Variants in ANKRD27 observed in about 807,000 individuals in gnomAD.
ANKRD27 encodes the protein ankyrin repeat domain-containing protein 27.
In ANKRD27, 112 loss-of-function variants were observed where a neutral mutation model predicts 129.7. The ratio of observed to expected loss-of-function variants is 0.86; its 90% CI spans 0.74 to 1.01. The LOEUF is 1.01. Among genes scored for constraint, ANKRD27 ranks in the 50% least tolerant of loss-of-function variants. ANKRD27 has a pLI of 0.00. For missense variants in ANKRD27, 1,258 were observed against 1,300.5 expected, an observed-to-expected ratio of 0.97 and a Z score of 0.50; for synonymous variants, 516 against 511.2, an observed-to-expected ratio of 1.01 and a Z score of -0.13.
intron 28 of ANKRD27, among the ~76,000 whole-genome samples, chr19:32,598,855 T>G (rs376012779): frequency 3.3e-5 from 5 of 152,350 alleles, no homozygotes; most frequent in African/African-American, 1.2e-4. Flanking sequence ...TTTAGAACTT[T>G]TGTGTATTTG....
At chr19:32,608,169 A>G (rs1028353399) in intron 22 of ANKRD27, among the ~76,000 whole-genome samples, 8 of 99,792 alleles carry the variant, frequency 8.0e-5, no homozygotes, top group African/African-American at 3.1e-4. Context: ...GTGCCCAGCT[A>G]ATTTTTTTTT....
At chr19:32,619,605 C>T in intron 18 of ANKRD27, 52 bp from the exon 19 acceptor site, 1 of 1,600,640 alleles carries the variant, frequency 6.2e-7, no homozygotes, top group Non-Finnish European at 8.6e-7. Context: ...GGGGTCGTCT[C>T]AGCACAGTGC....
At chr19:32,620,525 T>C (rs1032298951) in intron 18 of ANKRD27, among the ~76,000 whole-genome samples, 3 of 149,138 alleles carry the variant, frequency 2.0e-5, no homozygotes, top group Non-Finnish European at 4.4e-5. Flanking sequence ...GCCAAGATCA[T>C]GCCACTGCAC....
intron 20 of ANKRD27, 29 bp downstream of exon 20, chr19:32,619,231 C>A: frequency 6.2e-7 from 1 of 1,600,634 alleles, no homozygotes; most frequent in Non-Finnish European, 8.5e-7. Flanking sequence ...AAGGCCTCCC[C>A]TCCCCAGCCC....
intron 28 of ANKRD27, among the ~76,000 whole-genome samples, chr19:32,599,207 G>A (rs1274454715): frequency 1.3e-5 from 2 of 152,192 alleles, no homozygotes; most frequent in Admixed American, 6.5e-5. Flanking sequence ...CTTGAACCCG[G>A]GAGGTGGAGA....
chr19:32,668,293 C>T (rs982538432), intron 1 of ANKRD27, among the ~76,000 whole-genome samples: 9 of 152,102 alleles, frequency 5.9e-5, no homozygotes, highest in African/African-American at 9.7e-5. Flanking sequence ...GCCACAATTA[C>T]GGGTATGAGC....
At chr19:32,609,625 G>C (rs1314562407) in intron 22 of ANKRD27, among the ~76,000 whole-genome samples, 1 of 145,174 alleles carries the variant, frequency 6.9e-6, no homozygotes, top group African/African-American at 2.5e-5. Flanking sequence ...ATGAAAAGCA[G>C]GTCACGGGTT....
intron 20 of ANKRD27, among the ~76,000 whole-genome samples, chr19:32,617,886 C>T (rs914510336): frequency 2.0e-5 from 3 of 151,928 alleles, no homozygotes; most frequent in African/African-American, 7.2e-5. Context: ...TCCCTAGTAG[C>T]TGGGATTACA....
chr19:32,625,701 G>A (rs1190562993), intron 17 of ANKRD27, among the ~76,000 whole-genome samples, 173 bp downstream of exon 17: 1 of 152,064 alleles, frequency 6.6e-6, no homozygotes, highest in East Asian at 1.9e-4. Flanking sequence ...CAAAGTGCTG[G>A]GATTACAGGC....
chr19:32,604,570 C>T (rs1190501903), intron 24 of ANKRD27, 146 bp from the exon 25 acceptor site: 1 of 834,042 alleles, frequency 1.2e-6, no homozygotes, highest in East Asian at 2.7e-5. Context: ...AAAAGTAATA[C>T]TGAGAAAAAA....
chr19:32,615,776 C>A lies in ANKRD27; in HGVS notation c.2057G>T (p.Arg686Leu). 1.9e-6 allele frequency: 3 copies of A among 1,612,632 alleles called. No individual in the cohort carries two copies. Among genetic ancestry groups the A allele is most frequent in the Non-Finnish European group, 2.5e-6 (3 of 1,179,094 alleles). The change falls in exon 22 of 29, where the codon CGT becomes CTT. Residue 686 changes from arginine to leucine, a missense_variant. Transcript: ENST00000306065. Reference sequence around the variant, plus strand: ...CTCCTCTGTCCATTCCAACAGGTAACGCACCTGGTGATGGAGAGTAACGGA... The same window carrying A: ...CTCCTCTGTCCATTCCAACAGGTAAAGCACCTGGTGATGGAGAGTAACGGA... ...AVADGDLEMV[R>L]YLLEWTEEDL...
At position 32,604,371 on chromosome 19, in the gene ANKRD27, C is replaced by T. The variant is rs748979051; in HGVS notation, c.2547G>A (p.Glu849=). The T allele has an allele frequency of 1.2e-6, 2 of 1,614,014 alleles. No homozygotes were observed. The highest frequency in any genetic ancestry group is 8.5e-7 in the Non-Finnish European group (1 of 1,179,930). ...SNNKGNTALH[E]AVIEKHVFVV... ...CGAAGACGTGCTTTTCAATCACAGCCTCGTGCAGCGCTGTGTTGCCCTTAT... is the reference window on the plus strand; with the variant it reads ...CGAAGACGTGCTTTTCAATCACAGCTTCGTGCAGCGCTGTGTTGCCCTTAT... The change falls in exon 25 of 29, where the codon GAG becomes GAA. Residue 849 remains glutamate (E), a synonymous_variant. Coordinates refer to ENST00000306065, the MANE Select transcript of ANKRD27 (RefSeq NM_032139.3).
chr19:32,666,725 A>G (rs995316981), intron 1 of ANKRD27, among the ~76,000 whole-genome samples: 1 of 145,362 alleles, frequency 6.9e-6, no homozygotes, highest in African/African-American at 2.6e-5. Flanking sequence ...GCTCACTGCA[A>G]CCTCCACCCC....
chr19:32,669,236 A>G (rs1271552269), intron 1 of ANKRD27, among the ~76,000 whole-genome samples: 1 of 152,196 alleles, frequency 6.6e-6, no homozygotes, highest in Non-Finnish European at 1.5e-5. Context: ...TTCTGCTTGA[A>G]AAAGGCCTGT....
At chr19:32,617,700 A>G in intron 20 of ANKRD27, 67 bp from the exon 21 acceptor site, 5 of 641,540 alleles carry the variant, frequency 7.8e-6, no homozygotes, top group Non-Finnish European at 1.1e-5. Flanking sequence ...GAAATAATAT[A>G]AACATTCTGA....
chr19:32,642,943 C>A, intron 9 of ANKRD27, 180 bp downstream of exon 9: 1 of 640,174 alleles, frequency 1.6e-6, no homozygotes, highest in Non-Finnish European at 2.7e-6. Flanking sequence ...AGGGGGACGG[C>A]CACACACAGT....
chr19:32,643,572 C>A lies in ANKRD27; in HGVS notation c.585G>T (p.Leu195=). ...CCCTCTCAGAAGTCCTGCTGCTTAC[C>A]AGGTGAGAGTCCCTCAGAAGCTGCT... ...CLQQLLRDSH[L]KMLAKQEAQM... Residue 195 remains leucine, a splice_region_variant and synonymous_variant, in exon 6 of 29, where the codon CTG becomes CTT. Transcript: ENST00000306065. 6.2e-7 allele frequency: 1 copy of A among 1,613,998 alleles called. No homozygotes were observed. Among genetic ancestry groups the A allele is most frequent in the South Asian group, 1.1e-5 (1 of 91,072 alleles).
chr19:32,602,081 C>T lies in ANKRD27; in HGVS notation c.2701G>A (p.Ala901Thr), dbSNP rs2145255461. Reference protein sequence around the residue: ...ELLQVVPSCVASLDDVAETDR... With the variant: ...ELLQVVPSCVTSLDDVAETDR... ...GTTTCAGCCACATCATCTAATGAAG[C>T]AACACAGCTTGGTACCACCTGAAGC... The change falls in exon 26 of 29, where the codon GCT becomes ACT. Residue 901 changes from alanine (A) to threonine (T), a missense_variant. By Grantham distance (58) the Ala-to-Thr change is moderately conservative (BLOSUM62 0). Transcript: ENST00000306065. 6.2e-7 allele frequency: 1 copy of T among 1,614,018 alleles called. No individual in the cohort carries two copies.
intron 1 of ANKRD27, among the ~76,000 whole-genome samples, chr19:32,663,981 A>G (rs259264): frequency 0.69 from 95,670 of 139,642 alleles, 32,612 homozygotes; most frequent in African/African-American, 0.7. Flanking sequence ...GCGTGAACCC[A>G]GGAGGTGGAG....
Sources: allele counts gnomAD v4.1 joint callset (sites outside exome capture counted in the v4.1 genomes callset), GRCh38; gene constraint gnomAD v4.1.1; transcripts MANE v1.5; gene names NCBI Gene and HGNC (gene_info 2026-07-23, HGNC 2026-07-21).